KCNIP1: variants seen among roughly 807,000 people sequenced by gnomAD.
KCNIP1 encodes the protein A-type potassium channel modulatory protein KCNIP1.
In KCNIP1, 18 loss-of-function variants were observed where a neutral mutation model predicts 33.0. That is an observed-to-expected ratio of 0.55 (90% CI 0.38 to 0.81). The LOEUF is 0.81. Among genes scored for constraint, KCNIP1 ranks in the 30% least tolerant of loss-of-function variants. The pLI is 0.00. For missense variants in KCNIP1, 238 were observed against 271.6 expected (o/e 0.88, Z 0.87); for synonymous variants, 93 against 98.3 (o/e 0.95, Z 0.32).
At chr5:170,444,577 G>A (rs1035829221) in intron 1 of KCNIP1, among the ~76,000 whole-genome samples, 6 of 151,930 alleles carry the variant, frequency 3.9e-5, no homozygotes, top group Non-Finnish European at 8.8e-5. Flanking sequence ...GAGGGCCACT[G>A]TTTTGCCTAC....
At chr5:170,710,308 T>G (rs968453928) in intron 1 of KCNIP1, among the ~76,000 whole-genome samples, 9 of 152,272 alleles carry the variant, frequency 5.9e-5, no homozygotes, top group African/African-American at 2.2e-4. Flanking sequence ...GATAACATAT[T>G]TTTCAATTCT....
At chr5:170,493,906 C>A (rs1757257649) in intron 1 of KCNIP1, among the ~76,000 whole-genome samples, 1 of 152,312 alleles carries the variant, frequency 6.6e-6, no homozygotes, top group African/African-American at 2.4e-5. Context: ...TTCTAAGGGC[C>A]AGAACCATAC....
chr5:170,356,190 T>C (rs1450740817), intron 1 of KCNIP1, among the ~76,000 whole-genome samples: 1 of 152,236 alleles, frequency 6.6e-6, no homozygotes, highest in African/African-American at 2.4e-5. Context: ...GATTGCTTAA[T>C]GATTTCTGAT....
At chr5:170,432,157 A>C (rs1755758089) in intron 1 of KCNIP1, among the ~76,000 whole-genome samples, 1 of 152,066 alleles carries the variant, frequency 6.6e-6, no homozygotes, top group African/African-American at 2.4e-5. Flanking sequence ...TGTAAAAACA[A>C]TTCGGTAGAG....
intron 1 of KCNIP1, among the ~76,000 whole-genome samples, chr5:170,581,665 A>G (rs1739008795): frequency 6.6e-6 from 1 of 152,252 alleles, no homozygotes; most frequent in Non-Finnish European, 1.5e-5. Context: ...AAAAGAGATT[A>G]TAATGTGTGA....
chr5:170,594,808 G>C (rs989738669), intron 1 of KCNIP1, among the ~76,000 whole-genome samples: 1 of 152,180 alleles, frequency 6.6e-6, no homozygotes, highest in African/African-American at 2.4e-5. Flanking sequence ...ACTGCACCCA[G>C]CCTAACTACA....
At chr5:170,613,556 G>C (rs1324589234) in intron 1 of KCNIP1, among the ~76,000 whole-genome samples, 1 of 152,100 alleles carries the variant, frequency 6.6e-6, no homozygotes, top group Non-Finnish European at 1.5e-5. Flanking sequence ...ATTTGAACCT[G>C]AAGGAGATGG....
At chr5:170,511,904 G>A (rs1001729145) in intron 1 of KCNIP1, among the ~76,000 whole-genome samples, 7 of 152,126 alleles carry the variant, frequency 4.6e-5, no homozygotes, top group African/African-American at 7.2e-5. Flanking sequence ...AGTCAAAACG[G>A]GTGCATGGAT....
chr5:170,604,286 A>G (rs56366242), intron 1 of KCNIP1, among the ~76,000 whole-genome samples: 48,453 of 152,066 alleles, frequency 0.32, 8,783 homozygotes, highest in Non-Finnish European at 0.42. Context: ...ACTTGGGAAC[A>G]TACTGGTTCA....
intron 1 of KCNIP1, among the ~76,000 whole-genome samples, chr5:170,474,677 G>A (rs185772806): frequency 6.6e-6 from 1 of 152,342 alleles, no homozygotes; most frequent in Non-Finnish European, 1.5e-5. Flanking sequence ...GGTTCAGAGA[G>A]GGTAAGTGAC....
At chr5:170,398,922 G>A (rs1754827386) in intron 1 of KCNIP1, among the ~76,000 whole-genome samples, 1 of 152,222 alleles carries the variant, frequency 6.6e-6, no homozygotes, top group African/African-American at 2.4e-5. Flanking sequence ...GACACCTAGA[G>A]TGGATTCTTG....
At chr5:170,353,827 C>A (rs1763274058) in exon 1 of KCNIP1, 1 of 1,557,014 alleles carries the variant, frequency 6.4e-7, no homozygotes, top group Non-Finnish European at 8.8e-7. Context: ...ACAAGGTGGG[C>A]ACTGTCCCTT....
chr5:170,600,820 G>A (rs1030395131), intron 1 of KCNIP1, among the ~76,000 whole-genome samples: 2 of 152,166 alleles, frequency 1.3e-5, no homozygotes, highest in African/African-American at 2.4e-5. Flanking sequence ...AAGCTAGCCC[G>A]CTGCTCCTCA....
intron 1 of KCNIP1, among the ~76,000 whole-genome samples, chr5:170,625,414 C>T (rs576876816): frequency 1.1e-4 from 17 of 152,340 alleles, no homozygotes; most frequent in African/African-American, 3.6e-4. Flanking sequence ...CCCCTGGCTG[C>T]GGCGTAAGCT....
intron 1 of KCNIP1, among the ~76,000 whole-genome samples, chr5:170,651,696 G>A (rs535709392): frequency 6.6e-5 from 10 of 152,154 alleles, no homozygotes; most frequent in African/African-American, 1.4e-4. Flanking sequence ...TGAATGCCTC[G>A]GACAGATTTA....
chr5:170,425,208 C>T lies in KCNIP1; in HGVS notation c.88+71244C>T, dbSNP rs149445974. The stretch of plus-strand genomic sequence containing the variant: ...GTAAGCTCCATGACAGATATCTGGG[C>T]GGTTCTCCACTGCTTCCCCAGCCCT... On this transcript the variant is annotated intron_variant, in intron 1 of 7. Transcript: ENST00000377360. Among the ~76,000 whole-genome samples, 27 of 152,298 alleles carry T rather than the reference C, an allele frequency of 1.8e-4. No homozygotes were observed. In the East Asian group the frequency reaches 2.3e-3, roughly 13 times the overall value.
At chr5:170,502,329 A>G (rs931971470), upstream of KCNIP1, among the ~76,000 whole-genome samples, 2 of 152,218 alleles carry the variant, frequency 1.3e-5, no homozygotes, top group African/African-American at 4.8e-5. Context: ...AATGCTGCAC[A>G]GGTGAAGAAA....
chr5:170,540,253 C>T lies in KCNIP1; in HGVS notation c.61+35620C>T, dbSNP rs144637810. On this transcript the variant is annotated intron_variant, in intron 1 of 7. Transcript: ENST00000328939. ...GGGGGCATGGCTCCCTCAAAGCCTACGTCCTGTAGAGACAGCAGCTGCTAG... is the reference window on the plus strand; with the variant it reads ...GGGGGCATGGCTCCCTCAAAGCCTATGTCCTGTAGAGACAGCAGCTGCTAG... 9.1e-3 allele frequency among the ~76,000 whole-genome samples: 1,392 copies of T among 152,302 alleles called. 20 individuals are homozygous for T. Among genetic ancestry groups the T allele is most frequent in the Middle Eastern group, 0.037 (11 of 294 alleles).
At chr5:170,542,948 G>A (rs913028155) in intron 1 of KCNIP1, among the ~76,000 whole-genome samples, 1 of 152,200 alleles carries the variant, frequency 6.6e-6, no homozygotes, top group African/African-American at 2.4e-5. Flanking sequence ...GAAATGTATT[G>A]CAAAGTCCAA....
Sources: allele counts gnomAD v4.1 joint callset (sites outside exome capture counted in the v4.1 genomes callset), GRCh38; gene constraint gnomAD v4.1.1; transcripts MANE v1.5; gene names NCBI Gene and HGNC (gene_info 2026-07-23, HGNC 2026-07-21).